ELAVL3: variants seen among roughly 807,000 people sequenced by gnomAD.
The protein encoded by ELAVL3 is ELAV like RNA binding protein 3.
Under a neutral mutation model 34.2 loss-of-function variants are expected in ELAVL3, and 8 were observed. The ratio of observed to expected loss-of-function variants is 0.23; its 90% CI spans 0.14 to 0.42. The LOEUF (loss-of-function observed/expected upper bound fraction) is 0.42, where lower values mean the gene tolerates loss of function less well. Among genes scored for constraint, ELAVL3 ranks in the 10% least tolerant of loss-of-function variants. The pLI, the probability that ELAVL3 is intolerant of heterozygous loss-of-function variation, is 1.00. For synonymous variants in ELAVL3, 209 were observed against 222.1 expected, an observed-to-expected ratio of 0.94 and a Z score of 0.53; for missense variants, 273 against 518.8, an observed-to-expected ratio of 0.53 and a Z score of 4.60.
At chr19:11,473,048 C>T (rs1971196496) in intron 1 of ELAVL3, among the ~76,000 whole-genome samples, 1 of 151,064 alleles carries the variant, frequency 6.6e-6, no homozygotes, top group Non-Finnish European at 1.5e-5. Flanking sequence ...GCCTGGGTGA[C>T]AGAGTGAGAC....
Position 11,466,869 on chromosome 19 carries a change from C to T in ELAVL3, c.10-42G>A, listed in dbSNP as rs1305893138. ...GCATCCGCTCACCGCCCAGTCCCCACACCAGGGGCCTGCGGCAATGAGTGG... is the reference window on the plus strand; with the variant it reads ...GCATCCGCTCACCGCCCAGTCCCCATACCAGGGGCCTGCGGCAATGAGTGG... On this transcript the variant is annotated intron_variant, in intron 1 of 6. Transcript: ENST00000359227. This position sits in a 1 kb window ranked among gnomAD's most constrained non-coding sequence, Gnocchi z 5.0. The T allele has an allele frequency of 2.0e-6, 3 of 1,518,026 alleles. No homozygotes were observed. Among genetic ancestry groups the T allele is most frequent in the Non-Finnish European group, 9.0e-7 (1 of 1,116,436 alleles). The allele number at this position is 1,518,026 out of a possible 1,614,324, so 94.0% of individuals were successfully genotyped here.
intron 1 of ELAVL3, among the ~76,000 whole-genome samples, chr19:11,471,326 T>G (rs1229736921): frequency 1.3e-5 from 2 of 149,776 alleles, no homozygotes; most frequent in Admixed American, 6.7e-5. Context: ...AAAAATTTTT[T>G]TTTTTGAGCC....
At position 11,466,889 on chromosome 19, in the gene ELAVL3, G is replaced by A. The variant is rs929038947; in HGVS notation, c.10-62C>T. 7.0e-7 allele frequency: 1 copy of A among 1,429,092 alleles called. No homozygotes were observed. The highest frequency in any genetic ancestry group is 9.6e-7 in the Non-Finnish European group (1 of 1,041,838). The allele number at this position is 1,429,092 out of a possible 1,614,324, so 88.5% of individuals were successfully genotyped here. ...CCCCACACCAGGGGCCTGCGGCAATGAGTGGCTTGGTGGTGATGAATTAGC... is the reference window on the plus strand; with the variant it reads ...CCCCACACCAGGGGCCTGCGGCAATAAGTGGCTTGGTGGTGATGAATTAGC... On this transcript the variant is annotated intron_variant, in intron 1 of 6. Transcript: ENST00000359227. This position sits in a 1 kb window ranked among gnomAD's most constrained non-coding sequence, Gnocchi z 5.0.
In ELAVL3 at chr19:11,454,817, C is replaced by A. The variant is rs546123062; in HGVS notation, c.813G>T (p.Ala271=). 4 of 1,610,498 alleles carry A rather than the reference C, an allele frequency of 2.5e-6. No homozygotes were observed. The highest frequency in any genetic ancestry group is 2.7e-5 in the African/African-American group (2 of 74,866). Residue 271 remains alanine (A), a synonymous_variant, in exon 7 of 7, where the codon GCG becomes GCT. Transcript: ENST00000359227. The surrounding 1 kb of genome is among the most constrained non-coding windows in gnomAD (Gnocchi z 9.2). ...CCGCGCCCCCCGACAGGCCCACGCC[C>A]GCCAGGCCGCTCATACCATCGATGG... ...PIAIDGMSGL[A]GVGLSGGAAG...
intron 3 of ELAVL3, among the ~76,000 whole-genome samples, chr19:11,460,517 C>T (rs1970861719): frequency 6.6e-6 from 1 of 152,078 alleles, no homozygotes; most frequent in Non-Finnish European, 1.5e-5. Flanking sequence ...CCCATGACAT[C>T]CTTGCCCTCA....
chr19:11,475,397 C>T (rs1311067828), intron 1 of ELAVL3, among the ~76,000 whole-genome samples: 2 of 152,052 alleles, frequency 1.3e-5, no homozygotes, highest in Non-Finnish European at 2.9e-5. Context: ...CCTGAACTCT[C>T]AGGCTCAAGT....
At chr19:11,457,753 GT>G (rs1970800393) in intron 5 of ELAVL3, among the ~76,000 whole-genome samples, 1 of 152,218 alleles carries the variant, frequency 6.6e-6, no homozygotes, top group Non-Finnish European at 1.5e-5. Context: ...AATATTTGGT[GT>G]TATTACAGAT....
At chr19:11,472,832 A>AG (rs1230254258) in intron 1 of ELAVL3, among the ~76,000 whole-genome samples, 5 of 152,006 alleles carry the variant, frequency 3.3e-5, no homozygotes, top group Admixed American at 2.0e-4. Context: ...TGGGAGACCA[A>AG]GGGGGGGTGG....
intron 1 of ELAVL3, among the ~76,000 whole-genome samples, chr19:11,467,744 AAT>A (rs1314608919): frequency 6.6e-6 from 1 of 150,922 alleles, no homozygotes; most frequent in Non-Finnish European, 1.5e-5. Flanking sequence ...TCCGCCTCCC[AAT>A]GTGCTGGGAT....
chr19:11,478,355 T>C (rs1479103883), intron 1 of ELAVL3, among the ~76,000 whole-genome samples: 1 of 152,098 alleles, frequency 6.6e-6, no homozygotes, highest in South Asian at 2.1e-4. Flanking sequence ...CAGTATCTCG[T>C]TTCCTCTGTG....
chr19:11,477,244 G>A (rs1276575478), intron 1 of ELAVL3, among the ~76,000 whole-genome samples: 1 of 152,168 alleles, frequency 6.6e-6, no homozygotes, highest in Non-Finnish European at 1.5e-5. Flanking sequence ...TATGGAGCTG[G>A]ATTCTGAATT....
chr19:11,480,716 G>C lies in ELAVL3; in HGVS notation c.-108C>G. 2 of 1,116,284 alleles carry C rather than the reference G, an allele frequency of 1.8e-6. No homozygotes were observed. Among genetic ancestry groups the C allele is most frequent in the Middle Eastern group, 3.1e-4 (1 of 3,272 alleles). 69.1% of individuals were successfully genotyped at this position (1,116,284 alleles called of 1,614,324 possible). ...CTGGGGTCCCGCCCGGGCGGCCTCT[G>C]GTGCGGCCGCTGCAGATGTGGCGAT... On this transcript the variant is annotated 5_prime_UTR_variant, in exon 1 of 7. Transcript: ENST00000359227. This position sits in a 1 kb window ranked among gnomAD's most constrained non-coding sequence, Gnocchi z 6.8.
chr19:11,478,108 G>A (rs1401638143), intron 1 of ELAVL3, among the ~76,000 whole-genome samples: 3 of 152,158 alleles, frequency 2.0e-5, no homozygotes, highest in South Asian at 2.1e-4. Context: ...TAGTCACAGG[G>A]ACCTATGACT....
chr19:11,454,831 T>G lies in ELAVL3; in HGVS notation c.799A>C (p.Met267Leu), dbSNP rs1343379834. 1 of 1,608,908 alleles carries G rather than the reference T, an allele frequency of 6.2e-7. No individual in the cohort carries two copies. The highest frequency in any genetic ancestry group is 2.2e-5 in the East Asian group (1 of 44,798). The change falls in exon 7 of 7, where the codon ATG (methionine) becomes CTG (leucine). Residue 267 changes from methionine to leucine, a missense_variant. Transcript: ENST00000359227. The surrounding 1 kb of genome is among the most constrained non-coding windows in gnomAD (Gnocchi z 9.2). ...AGGCCCACGCCCGCCAGGCCGCTCA[T>G]ACCATCGATGGCGATCGGCGAGAAC... ...ARFSPIAIDG[M>L]SGLAGVGLSG...
intron 1 of ELAVL3, among the ~76,000 whole-genome samples, chr19:11,476,457 T>A (rs1971264737): frequency 6.6e-6 from 1 of 151,326 alleles, no homozygotes. Context: ...GGTGAGAGGA[T>A]CAACTTGAGC....
rs1053984953 is a variant in ELAVL3, at chr19:11,454,316, C to T, written c.*210G>A. On this transcript the variant is annotated 3_prime_UTR_variant, in exon 7 of 7. Transcript: ENST00000359227. This position sits in a 1 kb window ranked among gnomAD's most constrained non-coding sequence, Gnocchi z 9.2. ...CTGGGGTGGGGGCAGGAGGATGGGG[C>T]GGGGGATCCCCGGGCACCCCCCCAA... 1.8e-6 allele frequency: 1 copy of T among 570,186 alleles called. No homozygotes were observed. The highest frequency in any genetic ancestry group is 2.3e-5 in the South Asian group (1 of 42,762). The allele number at this position is 570,186 out of a possible 1,614,324, so 35.3% of individuals were successfully genotyped here.
intron 1 of ELAVL3, among the ~76,000 whole-genome samples, chr19:11,476,506 T>C (rs1360155060): frequency 6.7e-6 from 1 of 150,230 alleles, no homozygotes; most frequent in Non-Finnish European, 1.5e-5. Flanking sequence ...ATCATGCCAC[T>C]ACACTCCAGC....
rs1235903064 is a variant in ELAVL3 at position 11,469,354 on chromosome 19, C to A, written c.10-2527G>T. ...GGAGTGCAATGGCGCGATCTTGGCT[C>A]CCCCCAAACTCCGCCTCTCAGGTTC... On this transcript the variant is annotated intron_variant, in intron 1 of 6. Transcript: ENST00000359227. Among the ~76,000 whole-genome samples the A allele has an allele frequency of 2.0e-5, 3 of 152,262 alleles. 1 individual carries two copies. Among genetic ancestry groups the A allele is most frequent in the South Asian group, 4.1e-4 (2 of 4,824 alleles).
chr19:11,458,729 T>A lies in ELAVL3; in HGVS notation c.334-118A>T. ...CAGAAGTGACCCATCCGTCACTCAA[T>A]AAGTATCTCTAGAGTTGTCACCGTG... On this transcript the variant is annotated intron_variant, in intron 3 of 6. Coordinates refer to ENST00000359227, the MANE Select transcript of ELAVL3 (RefSeq NM_001420.4). This position sits in a 1 kb window ranked among gnomAD's most constrained non-coding sequence, Gnocchi z 7.3. 7.4e-7 allele frequency: 1 copy of A among 1,343,840 alleles called. No individual in the cohort carries two copies. Among genetic ancestry groups the A allele is most frequent in the Non-Finnish European group, 1.0e-6 (1 of 974,622 alleles). The allele number at this position is 1,343,840 out of a possible 1,614,324, so 83.2% of individuals were successfully genotyped here.
Sources: gnomAD v4.1 joint callset for allele counts (sites outside exome capture counted in the v4.1 genomes callset) on GRCh38, gnomAD v4.1.1 for gene constraint, Gnocchi (gnomAD v3.1) non-coding constraint, MANE v1.5 for transcripts, NCBI Gene and HGNC (gene_info 2026-07-23, HGNC 2026-07-21) for gene names.